The following TRMT1L variants were observed in gnomAD, a reference collection of about 807,000 sequenced individuals.
The protein encoded by TRMT1L is tRNA methyltransferase 1L, also known as tRNA (guanine(27)-N(2))-dimethyltransferase.
A neutral mutation model predicts 81.6 loss-of-function variants in TRMT1L; 28 were observed. The observed-to-expected ratio is 0.34, with a 90% CI of 0.25 to 0.47. The LOEUF (loss-of-function observed/expected upper bound fraction) is 0.47. Among genes scored for constraint, TRMT1L ranks in the 20% least tolerant of loss-of-function variants. The probability of loss-of-function intolerance (pLI) is 1.00; values close to 1 mark genes in which losing one functional copy is unlikely to be tolerated. For missense variants in TRMT1L, 739 were observed against 877.1 expected, an observed-to-expected ratio of 0.84 and a Z score of 1.99; for synonymous variants, 301 against 303.2, an observed-to-expected ratio of 0.99 and a Z score of 0.07.
chr1:185,120,497 CT>C lies in TRMT1L; in HGVS notation c.1834del (p.Ser612ValfsTer4). 1 of 1,582,650 alleles carries C rather than the reference CT, an allele frequency of 6.3e-7. No homozygotes were observed. Among genetic ancestry groups the C allele is most frequent in the Non-Finnish European group, 8.6e-7 (1 of 1,168,776 alleles). On this transcript the variant is annotated frameshift_variant, in exon 14 of 15. Coordinates refer to ENST00000367506, the MANE Select transcript of TRMT1L (RefSeq NM_030934.5). LOFTEE classifies it high-confidence loss of function. ...GCCTAAATTTGTGATCATTTCATTA[CT>C]TTTTCTCTTTCCTGCAACATACACA... ...DNYIAQGKRK[S>X]NEMITNLGKK...
At chr1:185,145,344 C>T in intron 5 of TRMT1L, 95 bp downstream of exon 5, 1 of 1,353,108 alleles carries the variant, frequency 7.4e-7, no homozygotes, top group South Asian at 1.5e-5. Context: ...TTGGTTAAAT[C>T]AGCATTATTT....
At position 185,123,919 on chromosome 1, in the gene TRMT1L, T is replaced by C; in HGVS notation, c.1760A>G (p.Glu587Gly). The change falls in exon 13 of 15, where the codon GAA (glutamate) becomes GGA (glycine). Residue 587 changes from glutamate (E) to glycine (G), a missense_variant and splice_region_variant. Physicochemically the swap from Glu to Gly is moderately conservative, Grantham distance 98. Transcript: ENST00000367506. ...IHASSNVNKQ[E>G]ENGVFIKTTD... ...AGTTTTAATAAATACACCATTTTCT[T>C]CTAAAAAATAAAGCAAATGGGAAAA... is the stretch of plus-strand genomic sequence containing the variant. 2 of 1,478,608 alleles carry C rather than the reference T, an allele frequency of 1.4e-6. No homozygotes were observed. Among genetic ancestry groups the C allele is most frequent in the Non-Finnish European group, 1.8e-6 (2 of 1,102,286 alleles). The allele number at this position is 1,478,608 out of a possible 1,614,324, so 91.6% of individuals were successfully genotyped here.
intron 7 of TRMT1L, among the ~76,000 whole-genome samples, chr1:185,141,558 G>A (rs1653046241): frequency 1.3e-5 from 2 of 152,120 alleles, no homozygotes; most frequent in South Asian, 4.1e-4. Flanking sequence ...ACAAAAATCA[G>A]CCAGGCGTGG....
At chr1:185,135,260 C>CAA (rs1652867009) in intron 10 of TRMT1L, among the ~76,000 whole-genome samples, 1 of 151,664 alleles carries the variant, frequency 6.6e-6, no homozygotes, top group African/African-American at 2.4e-5. Context: ...TACTAAAATA[C>CAA]AAAAAGTTAG....
intron 11 of TRMT1L, among the ~76,000 whole-genome samples, chr1:185,128,095 C>G (rs561353960): frequency 2.9e-4 from 44 of 152,120 alleles, no homozygotes; most frequent in African/African-American, 1.0e-3. Flanking sequence ...GCCTGGGTGA[C>G]AAGAGCGGGA....
intron 2 of TRMT1L, 82 bp downstream of exon 2, chr1:185,151,743 C>T (rs1040833903): frequency 6.3e-6 from 6 of 948,540 alleles, no homozygotes; most frequent in Non-Finnish European, 9.2e-6. Context: ...CAAGTCTACT[C>T]TTACCAAACT....
chr1:185,139,435 T>A lies in TRMT1L; in HGVS notation c.1254A>T (p.Gly418=), dbSNP rs952402590. ...AATATTCAGTTCGGACAATGTTACA[T>A]CCGTAGTGACGCCGGGCAACATGCT... ...KAQHVARRHY[G]CNIVRTEYYK... is the part of the protein sequence containing the mutation. Residue 418 remains glycine (G), a synonymous_variant, in exon 9 of 15, where the codon GGA becomes GGT. Transcript: ENST00000367506. 1 of 1,614,162 alleles carries A rather than the reference T, an allele frequency of 6.2e-7. No individual in the cohort carries two copies. The highest frequency in any genetic ancestry group is 8.5e-7 in the Non-Finnish European group (1 of 1,180,010).
intron 10 of TRMT1L, among the ~76,000 whole-genome samples, chr1:185,132,011 C>A (rs1024036753): frequency 4.6e-5 from 7 of 151,506 alleles, no homozygotes; most frequent in Non-Finnish European, 8.8e-5. Context: ...AGTGGTGGCA[C>A]AGGCCTGCAG....
Position 185,151,807 on chromosome 1 carries a change from A to C in TRMT1L, c.346+18T>G, listed in dbSNP as rs77641933. 2 of 1,510,680 alleles carry C rather than the reference A, an allele frequency of 1.3e-6. No individual in the cohort carries two copies. The highest frequency in any genetic ancestry group is 1.8e-6 in the Non-Finnish European group (2 of 1,122,374). 93.6% of individuals were successfully genotyped at this position (1,510,680 alleles called of 1,614,324 possible). On this transcript the variant is annotated intron_variant, in intron 2 of 14. Transcript: ENST00000367506. ...TATTAGAAACTAAGAAAAAAAAAAA[A>C]CCCAAACATGGAAATACCTGCATCA...
At chr1:185,144,457 G>T (rs538459471) in intron 5 of TRMT1L, among the ~76,000 whole-genome samples, 2 of 152,040 alleles carry the variant, frequency 1.3e-5, no homozygotes, top group South Asian at 2.1e-4. Context: ...CCATATGGCT[G>T]CATTCCATTA....
chr1:185,152,829 A>C (rs1325532711), intron 1 of TRMT1L, among the ~76,000 whole-genome samples: 1 of 152,168 alleles, frequency 6.6e-6, no homozygotes. Context: ...AGAAAGGAAA[A>C]TTTAGTTTTT....
chr1:185,145,424 G>T lies in TRMT1L; in HGVS notation c.655+15C>A. On this transcript the variant is annotated intron_variant, in intron 5 of 14. Transcript: ENST00000367506. ...GATTTACATATTAATATGTTAATGA[G>T]ATTGCTCAACTTACCTGCAATATAA... 1 of 1,603,770 alleles carries T rather than the reference G, an allele frequency of 6.2e-7. No individual in the cohort carries two copies. Among genetic ancestry groups the T allele is most frequent in the Non-Finnish European group, 8.5e-7 (1 of 1,172,922 alleles).
Position 185,125,001 on chromosome 1 carries a change from C to G in TRMT1L, c.1702G>C (p.Glu568Gln). The change falls in exon 12 of 15, where the codon GAG becomes CAG. Residue 568 changes from glutamate to glutamine, a missense_variant. Glu to Gln is a conservative substitution (Grantham distance 29). Transcript: ENST00000367506. The stretch of plus-strand genomic sequence containing the variant: ...GAAAACTGACTTTGAGGCGTACACT[C>G]TGATTCAAAGATTAATGTCTTTATT... ...TLIKTLIFESECTPQSQFSIH... is the reference protein window; with the variant it reads ...TLIKTLIFESQCTPQSQFSIH... 6.2e-7 allele frequency: 1 copy of G among 1,613,312 alleles called. No homozygotes were observed. Among genetic ancestry groups the G allele is most frequent in the Non-Finnish European group, 8.5e-7 (1 of 1,179,594 alleles).
In TRMT1L at chr1:185,118,540, GA is replaced by G. The variant is rs895723868; in HGVS notation, c.*1478del. Reference sequence around the variant, plus strand: ...CCTGGATTTATAGTAATTTTTAATTGAAAAAAACCTCATTTATTCTGCTCAT... The same window carrying G: ...CCTGGATTTATAGTAATTTTTAATTGAAAAAACCTCATTTATTCTGCTCAT... On this transcript the variant is annotated 3_prime_UTR_variant, in exon 15 of 15. Transcript: ENST00000367506. 18 of 151,868 alleles carry G rather than the reference GA, an allele frequency of 1.2e-4. No individual in the cohort carries two copies. Among genetic ancestry groups the G allele is most frequent in the African/African-American group, 3.4e-4 (14 of 41,454 alleles). The allele number at this position is 151,868 out of a possible 1,614,324, so 9.4% of individuals were successfully genotyped here. A position where few individuals can be genotyped will look rare whatever the true frequency, so the allele number is the denominator to read the frequency against.
In TRMT1L at chr1:185,145,480, C is replaced by T. The variant is rs145284891; in HGVS notation, c.614G>A (p.Arg205His). The change falls in exon 5 of 15, where the codon CGC (arginine) becomes CAC (histidine). Residue 205 changes from arginine (R) to histidine (H), a missense_variant. This residue lies in a region of TRMT1L where 331 missense variants were observed against 462.2 expected (regional missense o/e 0.72). Coordinates refer to ENST00000367506, the MANE Select transcript of TRMT1L (RefSeq NM_030934.5). ...RRTDMLGHVR[R>H]HMNKGETKSS... ...TTTAGTCTCTCCTTTATTCATGTGGCGCCTAACATGTCCTAGCATATCAGT... is the reference window on the plus strand; with the variant it reads ...TTTAGTCTCTCCTTTATTCATGTGGTGCCTAACATGTCCTAGCATATCAGT... 10 of 1,611,604 alleles carry T rather than the reference C, an allele frequency of 6.2e-6. No individual in the cohort carries two copies. Among genetic ancestry groups the T allele is most frequent in the East Asian group, 4.5e-5 (2 of 44,762 alleles).
intron 10 of TRMT1L, among the ~76,000 whole-genome samples, chr1:185,135,599 T>C (rs1652881432): frequency 1.3e-5 from 2 of 151,610 alleles, no homozygotes; most frequent in South Asian, 4.2e-4. Flanking sequence ...CCTATGTAAA[T>C]AAAACAGAAA....
chr1:185,124,828 A>G (rs1652582924), intron 12 of TRMT1L, 116 bp downstream of exon 12: 1 of 1,027,210 alleles, frequency 9.7e-7, no homozygotes, highest in Non-Finnish European at 1.3e-6. Context: ...AAGATTTACT[A>G]AAAACACACT....
chr1:185,152,236 A>C (rs1481383637), intron 1 of TRMT1L, among the ~76,000 whole-genome samples: 1 of 152,226 alleles, frequency 6.6e-6, no homozygotes, highest in East Asian at 1.9e-4. Flanking sequence ...TTCTATCTTC[A>C]AAGAACTTTC....
rs1220921181 is a variant in TRMT1L at position 185,156,696 on chromosome 1, TCCG to T, written c.14_16del (p.Ala5del). On this transcript the variant is annotated inframe_deletion, in exon 1 of 15. Transcript: ENST00000367506. ...CTTCTCCAGGGGCAGCAGCTCCTCC[TCCG>T]CCATATTCTCCATAGTTACCGCCTC... 1.2e-6 allele frequency: 2 copies of T among 1,612,330 alleles called. No homozygotes were observed. The highest frequency in any genetic ancestry group is 2.7e-5 in the African/African-American group (2 of 74,874).
Sources: allele counts gnomAD v4.1 joint callset (sites outside exome capture counted in the v4.1 genomes callset), GRCh38; gene constraint gnomAD v4.1.1; regional missense constraint gnomAD v4.1.1; transcripts MANE v1.5; gene names NCBI Gene and HGNC (gene_info 2026-07-23, HGNC 2026-07-21).